Variants in ADCY8 observed in about 807,000 individuals in gnomAD.
The protein encoded by ADCY8 is adenylate cyclase 8, also known as adenylate cyclase type 8.
In ADCY8, 51 loss-of-function variants were observed where a neutral mutation model predicts 119.7. The observed-to-expected ratio is 0.43, with a 90% CI of 0.34 to 0.54. The LOEUF is 0.54. ADCY8 is among the 20% of genes least tolerant of loss of function. The pLI is 0.03. For missense variants in ADCY8, 1,383 were observed against 1,598.8 expected, an observed-to-expected ratio of 0.87 and a Z score of 2.30; for synonymous variants, 665 against 651.0, an observed-to-expected ratio of 1.02 and a Z score of -0.33.
chr8:130,885,986 C>T (rs1256068988), intron 7 of ADCY8, among the ~76,000 whole-genome samples: 3 of 151,974 alleles, frequency 2.0e-5, no homozygotes, highest in Non-Finnish European at 2.9e-5. Flanking sequence ...GAGAGACTTG[C>T]TCATTTGCCG....
chr8:130,830,326 G>T (rs1816793690), intron 12 of ADCY8, among the ~76,000 whole-genome samples: 1 of 152,150 alleles, frequency 6.6e-6, no homozygotes, highest in Admixed American at 6.6e-5. Context: ...AGATAAGATG[G>T]CACCAGTCAA....
chr8:130,895,523 C>T (rs1361061695), intron 7 of ADCY8, among the ~76,000 whole-genome samples: 2 of 152,108 alleles, frequency 1.3e-5, no homozygotes, highest in Non-Finnish European at 2.9e-5. Flanking sequence ...TCAATGTTCT[C>T]TGGAAGCCTT....
intron 7 of ADCY8, among the ~76,000 whole-genome samples, chr8:130,898,606 G>A (rs893047418): frequency 6.6e-6 from 1 of 152,174 alleles, no homozygotes; most frequent in Non-Finnish European, 1.5e-5. Context: ...TGGATTCTCA[G>A]GCTGTAATAA....
chr8:130,870,868 G>T (rs1407855125), intron 8 of ADCY8, among the ~76,000 whole-genome samples: 2 of 152,152 alleles, frequency 1.3e-5, no homozygotes, highest in Non-Finnish European at 2.9e-5. Flanking sequence ...TGTGAGCAAA[G>T]CCAATTTCTT....
At chr8:130,855,419 C>T (rs1817696733) in intron 9 of ADCY8, among the ~76,000 whole-genome samples, 1 of 152,066 alleles carries the variant, frequency 6.6e-6, no homozygotes. Flanking sequence ...GATTTTTCTC[C>T]TCGCTAGGTA....
rs34193529 is a variant in ADCY8, at chr8:130,987,480, A to ATT, written c.1110+2911_1110+2912dup. Among the ~76,000 whole-genome samples, 101 of 151,524 alleles carry ATT rather than the reference A, an allele frequency of 6.7e-4. 1 individual carries two copies. Among genetic ancestry groups the ATT allele is most frequent in the Admixed American group, 2.7e-3 (41 of 15,208 alleles). On this transcript the variant is annotated intron_variant, in intron 2 of 17. Transcript: ENST00000286355. ...TCACGGTTGAACAAATTAAATAATT[A>ATT]TTTTTTTTTGTATCCTACCATGAGA... is the stretch of plus-strand genomic sequence containing the variant.
intron 3 of ADCY8, among the ~76,000 whole-genome samples, chr8:130,947,165 C>A (rs185186774): frequency 3.7e-4 from 56 of 152,192 alleles, no homozygotes; most frequent in Non-Finnish European, 7.2e-4. Context: ...GTCATGTTAC[C>A]TAATAGTCAC....
At chr8:130,956,569 A>G (rs189928572) in intron 2 of ADCY8, among the ~76,000 whole-genome samples, 1 of 152,322 alleles carries the variant, frequency 6.6e-6, no homozygotes, top group East Asian at 1.9e-4. Context: ...CTGTTTGCTT[A>G]TATACCAGTT....
intron 2 of ADCY8, among the ~76,000 whole-genome samples, chr8:130,973,689 A>G (rs1358063376): frequency 6.6e-6 from 1 of 152,230 alleles, no homozygotes; most frequent in African/African-American, 2.4e-5. Flanking sequence ...ATTAACACAT[A>G]TGGAAAGACA....
At chr8:130,831,686 T>A (rs1031459184) in intron 12 of ADCY8, among the ~76,000 whole-genome samples, 1 of 152,190 alleles carries the variant, frequency 6.6e-6, no homozygotes, top group African/African-American at 2.4e-5. Flanking sequence ...TAAACTGGTT[T>A]GAAAATTTAA....
chr8:131,033,450 T>G (rs1375456320), intron 1 of ADCY8, among the ~76,000 whole-genome samples: 1 of 152,204 alleles, frequency 6.6e-6, no homozygotes, highest in Non-Finnish European at 1.5e-5. Context: ...TTTGTCCTAC[T>G]TAGCATGACA....
intron 2 of ADCY8, among the ~76,000 whole-genome samples, chr8:130,964,743 C>T (rs1329841844): frequency 6.6e-6 from 1 of 152,202 alleles, no homozygotes; most frequent in African/African-American, 2.4e-5. Context: ...TAAAAAAATG[C>T]TTTCCACAGT....
At chr8:130,937,369 C>T (rs1449470505) in intron 4 of ADCY8, among the ~76,000 whole-genome samples, 169 bp from the exon 5 acceptor site, 1 of 151,984 alleles carries the variant, frequency 6.6e-6, no homozygotes, top group Non-Finnish European at 1.5e-5. Context: ...TGAGGTGTAA[C>T]CTAAATGGGG....
intron 5 of ADCY8, among the ~76,000 whole-genome samples, chr8:130,918,009 TG>T (rs1437681779): frequency 6.6e-6 from 1 of 152,152 alleles, no homozygotes; most frequent in Non-Finnish European, 1.5e-5. Context: ...CATTCTGGGT[TG>T]GGGCCATCGT....
intron 14 of ADCY8, among the ~76,000 whole-genome samples, chr8:130,812,459 C>A (rs1291026708): frequency 6.6e-6 from 1 of 152,200 alleles, no homozygotes; most frequent in African/African-American, 2.4e-5. Flanking sequence ...TGAGGTCATA[C>A]TCAATTAGGG....
chr8:130,936,350 T>C (rs1820785992), intron 5 of ADCY8, among the ~76,000 whole-genome samples: 1 of 152,268 alleles, frequency 6.6e-6, no homozygotes, highest in South Asian at 2.1e-4. Context: ...CACACATCCA[T>C]GAAGCCAACC....
chr8:130,836,488 G>A, intron 11 of ADCY8, 39 bp from the exon 12 acceptor site: 1 of 1,595,656 alleles, frequency 6.3e-7, no homozygotes. Flanking sequence ...TTCAATGGGG[G>A]CAGCAGTTCC....
intron 16 of ADCY8, among the ~76,000 whole-genome samples, chr8:130,784,432 G>T (rs1467079687): frequency 6.6e-6 from 1 of 152,140 alleles, no homozygotes; most frequent in Non-Finnish European, 1.5e-5. Flanking sequence ...TTCCTACCTC[G>T]TAGGTATTGA....
intron 7 of ADCY8, among the ~76,000 whole-genome samples, chr8:130,895,879 A>G (rs182830278): frequency 3.3e-5 from 5 of 152,288 alleles, no homozygotes; most frequent in Non-Finnish European, 7.3e-5. Flanking sequence ...CTTATCACAG[A>G]AGCAGTTACC....
Sources: gnomAD v4.1 joint callset for allele counts (sites outside exome capture counted in the v4.1 genomes callset) on GRCh38, gnomAD v4.1.1 for gene constraint, MANE v1.5 for transcripts, NCBI Gene and HGNC (gene_info 2026-07-23, HGNC 2026-07-21) for gene names.